Variants in KIF26B observed in about 807,000 individuals in gnomAD.
The protein encoded by KIF26B is kinesin-like protein KIF26B.
A neutral mutation model predicts 151.2 loss-of-function variants in KIF26B; 63 were observed. The ratio of observed to expected loss-of-function variants is 0.42; its 90% CI spans 0.34 to 0.51. The LOEUF (loss-of-function observed/expected upper bound fraction) is 0.51. KIF26B is among the 20% of genes least tolerant of loss of function. KIF26B has a pLI of 0.07. For missense variants in KIF26B, 2,813 were observed against 2,913.6 expected, an observed-to-expected ratio of 0.97 and a Z score of 0.79; for synonymous variants, 1,357 against 1,262.1, an observed-to-expected ratio of 1.08 and a Z score of -1.59.
intron 2 of KIF26B, among the ~76,000 whole-genome samples, chr1:245,335,622 C>T (rs1357749123): frequency 6.7e-6 from 1 of 149,868 alleles, no homozygotes; most frequent in African/African-American, 2.5e-5. Context: ...AGGAGAGTCC[C>T]ACGAGGGGAA....
intron 2 of KIF26B, among the ~76,000 whole-genome samples, chr1:245,217,926 A>G (rs1183086471): frequency 6.6e-6 from 1 of 152,154 alleles, no homozygotes; most frequent in Admixed American, 6.6e-5. Context: ...GAATTTTACA[A>G]AAGTGGAACA....
chr1:245,259,933 T>TA (rs1670601615), intron 2 of KIF26B, among the ~76,000 whole-genome samples: 1 of 62,090 alleles, frequency 1.6e-5, no homozygotes, highest in African/African-American at 9.1e-5. Context: ...AGGTCCTGTC[T>TA]CAAAAAAAAA....
intron 5 of KIF26B, among the ~76,000 whole-genome samples, chr1:245,581,504 C>T (rs979744599): frequency 2.6e-5 from 4 of 152,208 alleles, no homozygotes; most frequent in Admixed American, 2.6e-4. Context: ...AGTTTTCTTA[C>T]AGCCACCTAT....
intron 2 of KIF26B, among the ~76,000 whole-genome samples, chr1:245,320,025 A>G (rs970669349): frequency 1.2e-4 from 18 of 152,192 alleles, no homozygotes; most frequent in Non-Finnish European, 2.5e-4. Flanking sequence ...TGCCGTTAAC[A>G]AAGTATTTTA....
intron 9 of KIF26B, among the ~76,000 whole-genome samples, chr1:245,645,457 G>A (rs2043936756): frequency 6.6e-6 from 1 of 152,174 alleles, no homozygotes; most frequent in African/African-American, 2.4e-5. Flanking sequence ...AGGTATTCAT[G>A]GGCAAGTTGC....
At chr1:245,605,072 C>T (rs1014420940) in intron 6 of KIF26B, among the ~76,000 whole-genome samples, 6 of 152,148 alleles carry the variant, frequency 3.9e-5, no homozygotes, top group African/African-American at 1.4e-4. Flanking sequence ...CCAATATTTC[C>T]TAGCAGTGTG....
chr1:245,169,033 T>A (rs1242666594), intron 2 of KIF26B, among the ~76,000 whole-genome samples: 1 of 152,160 alleles, frequency 6.6e-6, no homozygotes, highest in African/African-American at 2.4e-5. Context: ...AAAGCAGAAC[T>A]TGATTTTGTT....
chr1:245,485,387 T>TTG, intron 4 of KIF26B, among the ~76,000 whole-genome samples: 1 of 108,650 alleles, frequency 9.2e-6, no homozygotes, highest in South Asian at 2.6e-4. Context: ...CTAGCATCAT[T>TTG]TTTTTTTTTT....
intron 2 of KIF26B, among the ~76,000 whole-genome samples, chr1:245,213,956 T>C (rs1249611339): frequency 6.6e-6 from 1 of 152,204 alleles, no homozygotes; most frequent in Non-Finnish European, 1.5e-5. Flanking sequence ...CATTATTGTT[T>C]CTTCAAAAGG....
rs572979792 is a variant in KIF26B at position 245,478,563 on chromosome 1, G to A, written c.1166+58818G>A. Among the ~76,000 whole-genome samples, 270 of 151,426 alleles carry A rather than the reference G, an allele frequency of 1.8e-3. 5 individuals carry two copies. In the Middle Eastern group the frequency reaches 0.027, roughly 15 times the overall value. ...CTGCCTCAGCCTCCCGAGTAGCTGG[G>A]ACTACACCACGTCTGGCTAATTTTT... On this transcript the variant is annotated intron_variant, in intron 4 of 14. Transcript: ENST00000407071.
At chr1:245,620,690 T>C (rs1175819613) in intron 9 of KIF26B, among the ~76,000 whole-genome samples, 2 of 152,178 alleles carry the variant, frequency 1.3e-5, no homozygotes, top group African/African-American at 4.8e-5. Context: ...GTGTGAGCCA[T>C]GGTACCCGTC....
At chr1:245,190,639 G>GTTTTTTTTTTT (rs56019423) in intron 2 of KIF26B, among the ~76,000 whole-genome samples, 1 of 140,114 alleles carries the variant, frequency 7.1e-6, no homozygotes, top group Non-Finnish European at 1.5e-5. Flanking sequence ...GTTTTGTTTT[G>GTTTTTTTTTTT]TTTTTTTTTT....
At chr1:245,373,729 G>A (rs932357367) in intron 3 of KIF26B, among the ~76,000 whole-genome samples, 1 of 152,132 alleles carries the variant, frequency 6.6e-6, no homozygotes, top group East Asian at 1.9e-4. Context: ...AAATGATTGC[G>A]CCTATGAAGC....
At chr1:245,600,551 G>A (rs2043385718) in intron 5 of KIF26B, among the ~76,000 whole-genome samples, 1 of 151,738 alleles carries the variant, frequency 6.6e-6, no homozygotes. Flanking sequence ...TGTTGCCCAG[G>A]CTTGTCTTGA....
intron 2 of KIF26B, among the ~76,000 whole-genome samples, chr1:245,194,793 A>G (rs1417252363): frequency 2.0e-5 from 3 of 152,200 alleles, no homozygotes; most frequent in Non-Finnish European, 4.4e-5. Context: ...AATGCTGGTA[A>G]TCAGGTATTG....
chr1:245,463,618 C>T (rs1173658), intron 4 of KIF26B, among the ~76,000 whole-genome samples: 39,702 of 152,066 alleles, frequency 0.26, 6,010 homozygotes, highest in Admixed American at 0.33. Context: ...ACTGAAGTTA[C>T]TTAATACCCA....
chr1:245,609,831 TAAC>T (rs1461862996), intron 8 of KIF26B, among the ~76,000 whole-genome samples: 1 of 152,218 alleles, frequency 6.6e-6, no homozygotes, highest in Non-Finnish European at 1.5e-5. Context: ...TTCTTTTGTT[TAAC>T]AACAAACCGG....
At chr1:245,248,119 CTT>C (rs139090362) in intron 2 of KIF26B, among the ~76,000 whole-genome samples, 2 of 147,826 alleles carry the variant, frequency 1.4e-5, no homozygotes, top group African/African-American at 2.5e-5. Flanking sequence ...AGATGCATTG[CTT>C]TTTTTTTTTC....
At chr1:245,243,964 G>C (rs1033611264) in intron 2 of KIF26B, among the ~76,000 whole-genome samples, 1 of 152,122 alleles carries the variant, frequency 6.6e-6, no homozygotes, top group Admixed American at 6.6e-5. Flanking sequence ...TTTTGAGACA[G>C]GGTCTCACTC....
Sources: gnomAD v4.1 joint callset for allele counts (sites outside exome capture counted in the v4.1 genomes callset) on GRCh38, gnomAD v4.1.1 for gene constraint, MANE v1.5 for transcripts, NCBI Gene and HGNC (gene_info 2026-07-23, HGNC 2026-07-21) for gene names.